GLIS3: variants seen among roughly 807,000 people sequenced by gnomAD.
The protein encoded by GLIS3 is GLIS family zinc finger 3.
Under a neutral mutation model 78.6 loss-of-function variants are expected in GLIS3, and 53 were observed. That is an observed-to-expected ratio of 0.67 (90% CI 0.54 to 0.85). GLIS3 has a LOEUF of 0.85. GLIS3 is among the 40% of genes least tolerant of loss of function. GLIS3 has a pLI of 0.00. For synonymous variants in GLIS3, 684 were observed against 509.9 expected (o/e 1.34, Z -4.60); for missense variants, 1,703 against 1,231.1 (o/e 1.38, Z -5.74).
chr9:3,997,057 T>C (rs1357133912), intron 4 of GLIS3, among the ~76,000 whole-genome samples: 1 of 152,100 alleles, frequency 6.6e-6, no homozygotes, highest in Non-Finnish European at 1.5e-5. Flanking sequence ...ACCTTAAAAA[T>C]TGAGTTGCGG....
chr9:4,410,053 C>A, the GLIS3 span, among the ~76,000 whole-genome samples: 1 of 152,066 alleles, frequency 6.6e-6, no homozygotes, highest in South Asian at 2.1e-4. Context: ...TCACTGCAAA[C>A]TCTGCCTCCC....
At chr9:4,229,764 A>C (rs1305380280) in intron 2 of GLIS3, among the ~76,000 whole-genome samples, 1 of 152,270 alleles carries the variant, frequency 6.6e-6, no homozygotes, top group Non-Finnish European at 1.5e-5. Flanking sequence ...TATAACACAT[A>C]TAAAAGCTAA....
the GLIS3 span, among the ~76,000 whole-genome samples, chr9:4,360,694 T>C: frequency 2.0e-5 from 3 of 152,198 alleles, no homozygotes; most frequent in Admixed American, 6.5e-5. Flanking sequence ...AACCAATCCT[T>C]TTTTATTCCA....
At chr9:3,976,815 A>T (rs1818836605) in intron 4 of GLIS3, among the ~76,000 whole-genome samples, 6 of 80,048 alleles carry the variant, frequency 7.5e-5, no homozygotes, top group Middle Eastern at 6.7e-3. Context: ...AAAAAAAAAA[A>T]AAAAAAAAAA....
the GLIS3 span, among the ~76,000 whole-genome samples, chr9:4,409,823 G>A: frequency 1.3e-5 from 2 of 152,162 alleles, no homozygotes; most frequent in African/African-American, 4.8e-5. Flanking sequence ...AACAAACCTG[G>A]ACTTGCTTGT....
chr9:4,215,327 ATG>A (rs34915075), intron 2 of GLIS3, among the ~76,000 whole-genome samples: 35,171 of 150,228 alleles, frequency 0.23, 5,403 homozygotes, highest in African/African-American at 0.45. Flanking sequence ...GTGTGTGCAT[ATG>A]TGTGTGTGTG....
intron 2 of GLIS3, among the ~76,000 whole-genome samples, chr9:4,199,028 C>G (rs548119083): frequency 1.3e-5 from 2 of 152,162 alleles, no homozygotes; most frequent in African/African-American, 4.8e-5. Flanking sequence ...GAATTCACCA[C>G]CACTGGACCA....
chr9:4,333,638 T>C lies in GLIS3; in HGVS notation n.264+13443A>G, dbSNP rs80171714. Among the ~76,000 whole-genome samples the C allele has an allele frequency of 8.1e-3, 1,239 of 152,214 alleles. 20 individuals are homozygous for C. Among genetic ancestry groups the C allele is most frequent in the African/African-American group, 0.027 (1,140 of 41,520 alleles). On this transcript the variant is annotated intron_variant and non_coding_transcript_variant, in intron 2 of 4. Coordinates refer to the GLIS3 transcript ENST00000471664. ...GTTTTAACCCAATGTTTCCCTAACA[T>C]ACTTGGCTATGAGACCCTTTTGTCA... is the stretch of plus-strand genomic sequence containing the variant.
chr9:4,455,328 T>C, the GLIS3 span, among the ~76,000 whole-genome samples: 41 of 152,348 alleles, frequency 2.7e-4, no homozygotes, highest in East Asian at 6.6e-3. Context: ...TGTAGACAAC[T>C]AAATAGCATT....
intron 1 of GLIS3, among the ~76,000 whole-genome samples, chr9:4,293,160 A>T (rs1816173784): frequency 6.6e-6 from 1 of 152,246 alleles, no homozygotes; most frequent in Non-Finnish European, 1.5e-5. Context: ...AGTCTGTGTA[A>T]CTAAACACTT....
chr9:4,199,940 C>T lies in GLIS3; in HGVS notation c.389-73999G>A, dbSNP rs139480681. On this transcript the variant is annotated intron_variant, in intron 2 of 10. Coordinates refer to ENST00000381971, the MANE Select transcript of GLIS3 (RefSeq NM_001042413.2). ...CAAGTCACAATAAATTCAAAAAAATCGAAATCATACCAATCGTACTCTTGG... is the reference window on the plus strand; with the variant it reads ...CAAGTCACAATAAATTCAAAAAAATTGAAATCATACCAATCGTACTCTTGG... Among the ~76,000 whole-genome samples, 438 of 152,154 alleles carry T rather than the reference C, an allele frequency of 2.9e-3. 2 individuals carry two copies. The highest frequency in any genetic ancestry group is 9.9e-3 in the African/African-American group (413 of 41,534).
chr9:3,841,908 G>T (rs76536034), intron 9 of GLIS3, among the ~76,000 whole-genome samples: 304 of 152,282 alleles, frequency 2.0e-3, no homozygotes, highest in African/African-American at 7.1e-3. Context: ...ATCTGCCCAT[G>T]GTTCTATCAG....
the GLIS3 span, among the ~76,000 whole-genome samples, chr9:4,383,404 A>AC: frequency 1.3e-5 from 2 of 152,184 alleles, no homozygotes; most frequent in African/African-American, 4.8e-5. Flanking sequence ...ATTATTCTTG[A>AC]TTCATGGATA....
chr9:4,086,367 T>A (rs926030524), intron 4 of GLIS3, among the ~76,000 whole-genome samples: 16 of 152,318 alleles, frequency 1.1e-4, no homozygotes, highest in African/African-American at 3.9e-4. Context: ...CATATCTCCA[T>A]CACATCGCTG....
intron 4 of GLIS3, among the ~76,000 whole-genome samples, chr9:4,000,694 C>T (rs1198662661): frequency 1.3e-5 from 2 of 152,160 alleles, no homozygotes; most frequent in Non-Finnish European, 2.9e-5. Flanking sequence ...GAATCTTCCC[C>T]ATCAGCCCTC....
chr9:4,227,741 A>G (rs138315472), intron 2 of GLIS3, among the ~76,000 whole-genome samples: 1 of 152,252 alleles, frequency 6.6e-6, no homozygotes, highest in Non-Finnish European at 1.5e-5. Context: ...ACCACTGCAT[A>G]AAGTCAGGTG....
chr9:4,415,743 GAAACAA>G, the GLIS3 span, among the ~76,000 whole-genome samples: 1,551 of 151,774 alleles, frequency 0.01, 29 homozygotes, highest in African/African-American at 0.036. Context: ...CCAGAAAACA[GAAACAA>G]AAACAAAAAA....
At chr9:4,440,442 T>C in the GLIS3 span, among the ~76,000 whole-genome samples, 3 of 152,210 alleles carry the variant, frequency 2.0e-5, no homozygotes, top group Non-Finnish European at 2.9e-5. Context: ...AAGACTGACC[T>C]TTCCCAAAAT....
chr9:3,910,747 C>T (rs1824082224), intron 6 of GLIS3, among the ~76,000 whole-genome samples: 1 of 152,196 alleles, frequency 6.6e-6, no homozygotes, highest in Non-Finnish European at 1.5e-5. Flanking sequence ...GTAGAGTTTC[C>T]TTTCTGTAAA....
Sources: gnomAD v4.1 joint callset for allele counts (sites outside exome capture counted in the v4.1 genomes callset) on GRCh38, gnomAD v4.1.1 for gene constraint, MANE v1.5 for transcripts, NCBI Gene and HGNC (gene_info 2026-07-23, HGNC 2026-07-21) for gene names.